TBC1D5: variants seen among roughly 807,000 people sequenced by gnomAD.
TBC1D5 encodes the protein TBC1 domain family member 5.
A neutral mutation model predicts 100.3 loss-of-function variants in TBC1D5; 75 were observed. That is an observed-to-expected ratio of 0.75 (90% confidence interval 0.62 to 0.91). TBC1D5 has a LOEUF of 0.91. TBC1D5 is among the 40% of genes least tolerant of loss of function. TBC1D5 has a pLI of 0.00. For missense variants in TBC1D5, 910 were observed against 942.4 expected (o/e 0.97, Z 0.45); for synonymous variants, 323 against 325.6 (o/e 0.99, Z 0.09).
At chr3:17,721,436 C>T (rs577688956) in intron 1 of TBC1D5, among the ~76,000 whole-genome samples, 233 of 148,338 alleles carry the variant, frequency 1.6e-3, no homozygotes, top group Non-Finnish European at 2.3e-3. Flanking sequence ...CATCAAGAGA[C>T]AGAAAAGTAA....
intron 2 of TBC1D5, among the ~76,000 whole-genome samples, chr3:17,591,267 C>CAAAA (rs370530999): frequency 1.3e-5 from 1 of 78,304 alleles, no homozygotes; most frequent in African/African-American, 5.3e-5. Context: ...AAAAAAAAAA[C>CAAAA]AAAAACCCCA....
At chr3:17,389,312 T>G (rs1005107037) in intron 8 of TBC1D5, among the ~76,000 whole-genome samples, 1 of 152,120 alleles carries the variant, frequency 6.6e-6, no homozygotes, top group Non-Finnish European at 1.5e-5. Context: ...ATAGATGACA[T>G]AATTTGAGAA....
exon 22 of TBC1D5, chr3:17,161,073 C>A (rs142714644): frequency 1.9e-6 from 3 of 1,614,084 alleles, no homozygotes; most frequent in Non-Finnish European, 1.7e-6. Context: ...ATCAGTGGAT[C>A]TGAGAACACC....
intron 1 of TBC1D5, among the ~76,000 whole-genome samples, chr3:17,697,251 C>A (rs1166664620): frequency 1.3e-5 from 2 of 152,140 alleles, no homozygotes; most frequent in Non-Finnish European, 2.9e-5. Flanking sequence ...GAAGTTCTGG[C>A]CAGGGCAATC....
intron 21 of TBC1D5, among the ~76,000 whole-genome samples, chr3:17,165,927 C>G (rs964542863): frequency 5.3e-5 from 8 of 152,134 alleles, no homozygotes; most frequent in Non-Finnish European, 1.2e-4. Context: ...GGCTTCGGAG[C>G]CTGTATGTGT....
chr3:17,403,286 C>T, intron 7 of TBC1D5, 38 bp from the exon 8 acceptor site: 1 of 1,397,592 alleles, frequency 7.2e-7, no homozygotes, highest in Non-Finnish European at 9.7e-7. Flanking sequence ...TAGTCTCACA[C>T]CTTTGTTTTA....
intron 1 of TBC1D5, among the ~76,000 whole-genome samples, chr3:17,721,968 C>G (rs1223116891): frequency 6.6e-6 from 1 of 151,968 alleles, no homozygotes; most frequent in African/African-American, 2.4e-5. Context: ...GGCGACAGAG[C>G]AAGACACTGT....
At chr3:17,705,722 G>A (rs1249869181) in intron 1 of TBC1D5, among the ~76,000 whole-genome samples, 1 of 138,716 alleles carries the variant, frequency 7.2e-6, no homozygotes, top group Admixed American at 7.1e-5. Context: ...TCACTTCCTA[G>A]ATGGGATGGC....
chr3:17,382,120 A>T (rs1344205877), intron 9 of TBC1D5, among the ~76,000 whole-genome samples: 1 of 152,068 alleles, frequency 6.6e-6, no homozygotes, highest in Non-Finnish European at 1.5e-5. Flanking sequence ...TAATTATTAT[A>T]ATGATGATGA....
At chr3:17,216,653 C>T (rs773703183) in intron 17 of TBC1D5, among the ~76,000 whole-genome samples, 1 of 151,970 alleles carries the variant, frequency 6.6e-6, no homozygotes, top group Non-Finnish European at 1.5e-5. Flanking sequence ...TTTATTTCTT[C>T]CCTTCTCTCC....
At chr3:17,401,374 C>CATATGT (rs68135264) in intron 8 of TBC1D5, among the ~76,000 whole-genome samples, 29 of 142,988 alleles carry the variant, frequency 2.0e-4, no homozygotes, top group South Asian at 4.4e-4. Context: ...GTATAATATA[C>CATATGT]ATATGTATAT....
intron 2 of TBC1D5, among the ~76,000 whole-genome samples, chr3:17,569,369 C>T (rs1210603487): frequency 6.6e-6 from 1 of 151,658 alleles, no homozygotes; most frequent in Admixed American, 6.6e-5. Flanking sequence ...TATAAAAGTA[C>T]ATGTCATGGA....
intron 2 of TBC1D5, among the ~76,000 whole-genome samples, chr3:17,537,505 G>T (rs959147422): frequency 6.6e-6 from 1 of 152,130 alleles, no homozygotes; most frequent in African/African-American, 2.4e-5. Flanking sequence ...TGTTCTGTCA[G>T]TTGGGGGGCT....
chr3:17,171,343 T>C (rs1336262434), intron 19 of TBC1D5, among the ~76,000 whole-genome samples: 1 of 152,222 alleles, frequency 6.6e-6, no homozygotes, highest in East Asian at 1.9e-4. Flanking sequence ...TTTATGTTAT[T>C]AGCAGCTGTA....
chr3:17,171,596 G>A (rs1054475304), intron 19 of TBC1D5, among the ~76,000 whole-genome samples: 8 of 151,906 alleles, frequency 5.3e-5, no homozygotes, highest in African/African-American at 1.7e-4. Context: ...ATTATCACAC[G>A]GCATTCTCCC....
intron 3 of TBC1D5, among the ~76,000 whole-genome samples, chr3:17,466,718 A>G (rs1363383576): frequency 6.6e-6 from 1 of 152,110 alleles, no homozygotes; most frequent in South Asian, 2.1e-4. Flanking sequence ...TCCTATAAAT[A>G]TAAAGAGTCC....
intron 2 of TBC1D5, among the ~76,000 whole-genome samples, chr3:17,583,584 G>A (rs1030992992): frequency 3.9e-5 from 6 of 152,050 alleles, no homozygotes; most frequent in Non-Finnish European, 5.9e-5. Context: ...AGAATTAGCC[G>A]GGCATAGTGG....
chr3:17,429,141 T>A (rs2094400636), intron 3 of TBC1D5, among the ~76,000 whole-genome samples: 1 of 151,962 alleles, frequency 6.6e-6, no homozygotes, highest in South Asian at 2.1e-4. Flanking sequence ...TCTTCTATAA[T>A]AATATCAAAC....
At chr3:17,711,629 A>G (rs914124059) in intron 1 of TBC1D5, among the ~76,000 whole-genome samples, 2 of 152,228 alleles carry the variant, frequency 1.3e-5, no homozygotes, top group Non-Finnish European at 2.9e-5. Context: ...TTTTCAGTGA[A>G]GAAACACTAC....
Sources: gnomAD v4.1 joint callset for allele counts (sites outside exome capture counted in the v4.1 genomes callset) on GRCh38, gnomAD v4.1.1 for gene constraint, MANE v1.5 for transcripts, NCBI Gene and HGNC (gene_info 2026-07-23, HGNC 2026-07-21) for gene names.